The following ADGRB3 variants were observed in gnomAD, a reference collection of about 807,000 sequenced individuals.
The protein encoded by ADGRB3 is adhesion G protein-coupled receptor B3.
In ADGRB3, 37 loss-of-function variants were observed where a neutral mutation model predicts 193.4. The observed-to-expected ratio is 0.19, with a 90% CI of 0.15 to 0.25. The LOEUF (loss-of-function observed/expected upper bound fraction) is 0.25. Among genes scored for constraint, ADGRB3 ranks in the 10% least tolerant of loss-of-function variants. The probability of loss-of-function intolerance (pLI) is 1.00; values close to 1 mark genes in which losing one functional copy is unlikely to be tolerated. For missense variants in ADGRB3, 1,637 were observed against 1,852.9 expected (o/e 0.88, Z 2.14); for synonymous variants, 690 against 644.2 (o/e 1.07, Z -1.08).
intron 5 of ADGRB3, among the ~76,000 whole-genome samples, chr6:68,937,333 T>C (rs1202445498): frequency 6.6e-6 from 1 of 152,198 alleles, no homozygotes; most frequent in Non-Finnish European, 1.5e-5. Context: ...GTTCTTCAGT[T>C]GATGCACGCA....
At chr6:69,355,456 A>G (rs1769318196) in intron 27 of ADGRB3, among the ~76,000 whole-genome samples, 1 of 152,204 alleles carries the variant, frequency 6.6e-6, no homozygotes, top group South Asian at 2.1e-4. Context: ...CCAATAACAA[A>G]CATAATTATT....
At chr6:69,201,732 C>G (rs1039386167) in intron 17 of ADGRB3, among the ~76,000 whole-genome samples, 37 of 152,052 alleles carry the variant, frequency 2.4e-4, no homozygotes, top group Admixed American at 2.4e-3. Flanking sequence ...TAAATTTTGT[C>G]TCTCCTTCCA....
At chr6:68,688,745 C>A (rs1441843434) in intron 3 of ADGRB3, among the ~76,000 whole-genome samples, 1 of 152,170 alleles carries the variant, frequency 6.6e-6, no homozygotes, top group African/African-American at 2.4e-5. Context: ...GGTCCTGAAG[C>A]TTAAGCTTTG....
chr6:69,388,748 C>T lies in ADGRB3; in HGVS notation c.4426C>T (p.Pro1476Ser). ...NKNPWDTFKN[P>S]SEYPHYTTIN... ...GAATCCATGGGACACTTTCAAAAAC[C>T]CCAGTGAATACCCGCATTACACCAC... Residue 1476 changes from proline (P) to serine (S), a missense_variant, in exon 32 of 32, where the codon CCC (proline) becomes TCC (serine). Coordinates refer to ENST00000370598, the MANE Select transcript of ADGRB3 (RefSeq NM_001704.3). 3.1e-6 allele frequency: 5 copies of T among 1,613,292 alleles called. No homozygotes were observed. The highest frequency in any genetic ancestry group is 4.2e-6 in the Non-Finnish European group (5 of 1,179,588).
chr6:69,016,282 TA>T (rs900735465), intron 12 of ADGRB3, among the ~76,000 whole-genome samples: 19 of 151,820 alleles, frequency 1.3e-4, no homozygotes, highest in African/African-American at 4.6e-4. Context: ...TTAGCCAACC[TA>T]AAAAATCTCT....
intron 30 of ADGRB3, among the ~76,000 whole-genome samples, chr6:69,374,242 C>T (rs1466929832): frequency 6.6e-6 from 1 of 152,022 alleles, no homozygotes; most frequent in African/African-American, 2.4e-5. Flanking sequence ...AGGTATGTGG[C>T]AGATATTTCG....
chr6:68,819,066 G>T (rs1164444115), intron 3 of ADGRB3, among the ~76,000 whole-genome samples: 1 of 152,034 alleles, frequency 6.6e-6, no homozygotes, highest in African/African-American at 2.4e-5. Context: ...ATTCCACGGA[G>T]AAAATTATCC....
At chr6:68,993,309 A>G (rs1012229990) in intron 10 of ADGRB3, among the ~76,000 whole-genome samples, 5 of 152,108 alleles carry the variant, frequency 3.3e-5, no homozygotes, top group African/African-American at 1.2e-4. Context: ...TTGCTGCTCT[A>G]TAGAGATGTG....
chr6:69,017,338 T>G (rs764971269), intron 12 of ADGRB3, among the ~76,000 whole-genome samples: 7 of 152,064 alleles, frequency 4.6e-5, no homozygotes, highest in Non-Finnish European at 1.0e-4. Flanking sequence ...GCTAGAACTC[T>G]CTAATCCACT....
chr6:68,828,013 A>C (rs931216233), intron 3 of ADGRB3, among the ~76,000 whole-genome samples: 7 of 152,182 alleles, frequency 4.6e-5, no homozygotes, highest in Non-Finnish European at 1.0e-4. Flanking sequence ...TTAGGACTTA[A>C]TCTCTTAGGG....
At chr6:69,001,755 G>C (rs2150279216) in intron 11 of ADGRB3, among the ~76,000 whole-genome samples, 1 of 152,294 alleles carries the variant, frequency 6.6e-6, no homozygotes, top group East Asian at 1.9e-4. Flanking sequence ...CTGAATGCAA[G>C]GACCAGTCTC....
chr6:68,889,392 G>A (rs1441631855), intron 3 of ADGRB3, among the ~76,000 whole-genome samples: 1 of 152,098 alleles, frequency 6.6e-6, no homozygotes, highest in Non-Finnish European at 1.5e-5. Context: ...GAGACTATGA[G>A]CTTGTACAGT....
intron 21 of ADGRB3, among the ~76,000 whole-genome samples, chr6:69,325,500 T>G (rs909983752): frequency 1.3e-5 from 2 of 152,196 alleles, no homozygotes; most frequent in African/African-American, 4.8e-5. Flanking sequence ...TCACAGCTTG[T>G]TGACCTGGTC....
intron 17 of ADGRB3, among the ~76,000 whole-genome samples, chr6:69,140,597 G>A (rs185727153): frequency 5.3e-5 from 8 of 152,094 alleles, no homozygotes; most frequent in Non-Finnish European, 7.4e-5. Flanking sequence ...CGCAAAACAG[G>A]ATGACTATTG....
At chr6:69,163,328 T>C (rs935614496) in intron 17 of ADGRB3, among the ~76,000 whole-genome samples, 1 of 152,078 alleles carries the variant, frequency 6.6e-6, no homozygotes, top group Admixed American at 6.6e-5. Flanking sequence ...ATATAAAATA[T>C]CTGATTCTTT....
intron 3 of ADGRB3, among the ~76,000 whole-genome samples, chr6:68,850,881 G>A (rs570151976): frequency 2.0e-4 from 30 of 151,858 alleles, no homozygotes; most frequent in Non-Finnish European, 4.4e-4. Flanking sequence ...CATAATGGTG[G>A]AATATTGATC....
At chr6:68,750,850 C>T (rs141531306) in intron 3 of ADGRB3, among the ~76,000 whole-genome samples, 1 of 152,300 alleles carries the variant, frequency 6.6e-6, no homozygotes, top group Non-Finnish European at 1.5e-5. Flanking sequence ...TCCTAAACAA[C>T]CATTGTCTAA....
At chr6:68,649,739 A>G (rs536841840) in intron 3 of ADGRB3, among the ~76,000 whole-genome samples, 1 of 152,162 alleles carries the variant, frequency 6.6e-6, no homozygotes, top group African/African-American at 2.4e-5. Flanking sequence ...CTTGTGATAC[A>G]TTGAGAAATA....
intron 15 of ADGRB3, among the ~76,000 whole-genome samples, chr6:69,057,414 T>G (rs62416804): frequency 0.12 from 18,931 of 152,054 alleles, 1,278 homozygotes; most frequent in Middle Eastern, 0.24. Flanking sequence ...CTTACCTAAT[T>G]GCTGTTTGTA....
Sources: allele counts gnomAD v4.1 joint callset (sites outside exome capture counted in the v4.1 genomes callset), GRCh38; gene constraint gnomAD v4.1.1; transcripts MANE v1.5; gene names NCBI Gene and HGNC (gene_info 2026-07-23, HGNC 2026-07-21).